Variants in KCNN2 observed in about 807,000 individuals in gnomAD.
The protein encoded by KCNN2 is potassium calcium-activated channel subfamily N member 2.
Under a neutral mutation model 55.5 loss-of-function variants are expected in KCNN2, and 24 were observed. The ratio of observed to expected loss-of-function variants is 0.43; its 90% confidence interval spans 0.31 to 0.61. KCNN2 has a LOEUF of 0.61. Among genes scored for constraint, KCNN2 ranks in the 20% least tolerant of loss-of-function variants. The pLI, the probability that KCNN2 is intolerant of heterozygous loss-of-function variation, is 0.08. For synonymous variants in KCNN2, 431 were observed against 336.1 expected (o/e 1.28, Z -3.09); for missense variants, 754 against 853.6 (o/e 0.88, Z 1.45).
chr5:114,158,086 T>A (rs1752680019), intron 1 of KCNN2, among the ~76,000 whole-genome samples: 1 of 152,220 alleles, frequency 6.6e-6, no homozygotes, highest in South Asian at 2.1e-4. Context: ...CCCATGCCTA[T>A]GGCCTGAATG....
chr5:114,178,575 A>G (rs1270299026), intron 1 of KCNN2, among the ~76,000 whole-genome samples: 2 of 152,178 alleles, frequency 1.3e-5, no homozygotes, highest in African/African-American at 2.4e-5. Flanking sequence ...TTCCCTTGCA[A>G]TAGGAACCTC....
At chr5:114,125,834 G>A (rs1751919901) in intron 1 of KCNN2, among the ~76,000 whole-genome samples, 1 of 152,062 alleles carries the variant, frequency 6.6e-6, no homozygotes, top group African/African-American at 2.4e-5. Context: ...CCTCTTATAA[G>A]TACAGCAATC....
intron 2 of KCNN2, among the ~76,000 whole-genome samples, chr5:114,293,577 T>C (rs1035559482): frequency 3.9e-5 from 6 of 152,256 alleles, no homozygotes; most frequent in Admixed American, 2.0e-4. Context: ...TTTGATGTGC[T>C]GCTGGATTCA....
intron 1 of KCNN2, among the ~76,000 whole-genome samples, chr5:114,184,941 G>T (rs1024567795): frequency 6.6e-6 from 1 of 152,116 alleles, no homozygotes; most frequent in Non-Finnish European, 1.5e-5. Flanking sequence ...TAGCTGTCTT[G>T]TTTACAACAA....
chr5:114,082,803 C>G (rs759983598), intron 1 of KCNN2, among the ~76,000 whole-genome samples: 3 of 152,120 alleles, frequency 2.0e-5, no homozygotes, highest in Non-Finnish European at 2.9e-5. Context: ...TGAAATAAGA[C>G]AATCACAAAG....
intron 2 of KCNN2, among the ~76,000 whole-genome samples, chr5:114,273,558 A>G (rs1307023682): frequency 6.6e-6 from 1 of 152,172 alleles, no homozygotes; most frequent in Admixed American, 6.6e-5. Flanking sequence ...AACTGGCATG[A>G]GATGGTACCT....
chr5:114,223,118 A>T (rs1007439857), intron 2 of KCNN2, among the ~76,000 whole-genome samples: 3 of 152,158 alleles, frequency 2.0e-5, no homozygotes, highest in African/African-American at 7.2e-5. Flanking sequence ...TTAAAAGAAG[A>T]TATATAATTT....
chr5:114,481,909 A>C (rs1045147480), intron 5 of KCNN2, among the ~76,000 whole-genome samples: 2 of 152,208 alleles, frequency 1.3e-5, no homozygotes, highest in Non-Finnish European at 1.5e-5. Flanking sequence ...CTTAAATGTA[A>C]AACCCAAAAC....
At chr5:114,446,281 A>G (rs910830959) in intron 3 of KCNN2, among the ~76,000 whole-genome samples, 7 of 152,172 alleles carry the variant, frequency 4.6e-5, no homozygotes, top group Non-Finnish European at 7.3e-5. Context: ...GGAAGGTATT[A>G]TATCTTCTGT....
intron 7 of KCNN2, 68 bp from the exon 8 acceptor site, chr5:114,495,827 C>T (rs1210921555): frequency 6.8e-7 from 1 of 1,475,978 alleles, no homozygotes; most frequent in Non-Finnish European, 9.3e-7. Flanking sequence ...AGAGCTAAAC[C>T]TCTGAGAGGT....
intron 2 of KCNN2, among the ~76,000 whole-genome samples, chr5:114,347,455 T>C (rs1194866788): frequency 6.6e-6 from 1 of 152,216 alleles, no homozygotes; most frequent in Non-Finnish European, 1.5e-5. Context: ...GCTTTATGTG[T>C]TCTCCAAAGT....
chr5:114,058,840 G>A (rs1001852541), intron 1 of KCNN2, among the ~76,000 whole-genome samples: 1 of 152,168 alleles, frequency 6.6e-6, no homozygotes, highest in African/African-American at 2.4e-5. Flanking sequence ...TGGACTATCG[G>A]AGGGGCATTT....
chr5:114,278,647 G>A (rs1755544406), intron 2 of KCNN2, among the ~76,000 whole-genome samples: 1 of 152,218 alleles, frequency 6.6e-6, no homozygotes, highest in African/African-American at 2.4e-5. Context: ...CAGTGAGCAA[G>A]GCTCTGTGGG....
chr5:114,192,425 A>G (rs1159579137), intron 1 of KCNN2, among the ~76,000 whole-genome samples: 2 of 152,158 alleles, frequency 1.3e-5, no homozygotes, highest in Non-Finnish European at 2.9e-5. Flanking sequence ...TGTATGGATA[A>G]CATTAGCTTT....
intron 2 of KCNN2, among the ~76,000 whole-genome samples, chr5:114,280,454 A>G (rs1755600972): frequency 1.3e-5 from 2 of 152,154 alleles, no homozygotes; most frequent in African/African-American, 4.8e-5. Flanking sequence ...TAAGTCTTTA[A>G]TCCATCTTGA....
At chr5:114,486,281 G>A (rs1561414854) in intron 5 of KCNN2, among the ~76,000 whole-genome samples, 1 of 152,164 alleles carries the variant, frequency 6.6e-6, no homozygotes, top group Non-Finnish European at 1.5e-5. Context: ...ATCCCATAGT[G>A]TGAGCAAGGA....
intron 5 of KCNN2, among the ~76,000 whole-genome samples, chr5:114,479,479 T>G (rs908636219): frequency 6.6e-6 from 1 of 152,184 alleles, no homozygotes. Flanking sequence ...AATACCTCAC[T>G]GTCAGTATTA....
chr5:114,416,117 G>A (rs1759296197), intron 3 of KCNN2, among the ~76,000 whole-genome samples: 2 of 152,176 alleles, frequency 1.3e-5, no homozygotes, highest in South Asian at 4.1e-4. Flanking sequence ...TTTCAATCCT[G>A]CTTAAAAAGT....
rs184455255 is a variant in KCNN2, at chr5:114,285,058, G to A, written c.-185+63493G>A. Reference sequence around the variant, plus strand: ...AGGACTTTGGGAGGCTGAGGCGGGCGGATCACGAGGTCAGGAGATCGAGAC... The same window carrying A: ...AGGACTTTGGGAGGCTGAGGCGGGCAGATCACGAGGTCAGGAGATCGAGAC... On this transcript the variant is annotated intron_variant, in intron 2 of 10. Transcript: ENST00000512097. Among the ~76,000 whole-genome samples, 121 of 151,204 alleles carry A rather than the reference G, an allele frequency of 8.0e-4. 3 individuals carry two copies. The highest frequency in any genetic ancestry group is 2.6e-3 in the African/African-American group (107 of 41,286).
Sources: allele counts gnomAD v4.1 joint callset (sites outside exome capture counted in the v4.1 genomes callset), GRCh38; gene constraint gnomAD v4.1.1; transcripts MANE v1.5; gene names NCBI Gene and HGNC (gene_info 2026-07-23, HGNC 2026-07-21).